SKAP1: variants seen among roughly 807,000 people sequenced by gnomAD.
The protein encoded by SKAP1 is src kinase associated phosphoprotein 1.
SKAP1 carries 44 observed loss-of-function variants against 58.5 expected under a neutral mutation model. That is an observed-to-expected ratio of 0.75 (90% CI 0.59 to 0.97). The LOEUF (loss-of-function observed/expected upper bound fraction) is 0.97. Among genes scored for constraint, SKAP1 ranks in the 50% least tolerant of loss-of-function variants. The pLI is 0.00. For synonymous variants in SKAP1, 127 were observed against 149.7 expected (o/e 0.85, Z 1.11); for missense variants, 390 against 435.2 (o/e 0.90, Z 0.92).
intron 4 of SKAP1, among the ~76,000 whole-genome samples, chr17:48,318,587 T>C (rs1169379695): frequency 6.6e-6 from 1 of 152,224 alleles, no homozygotes; most frequent in Non-Finnish European, 1.5e-5. Flanking sequence ...TTTCTGTGAC[T>C]GGGCATGGTG....
intron 5 of SKAP1, among the ~76,000 whole-genome samples, chr17:48,188,264 A>G (rs778477481): frequency 4.6e-5 from 7 of 152,224 alleles, no homozygotes; most frequent in Non-Finnish European, 1.0e-4. Context: ...GACAAAGCAA[A>G]ATGATTCTCC....
intron 1 of SKAP1, among the ~76,000 whole-genome samples, chr17:48,423,030 C>A (rs1427620148): frequency 6.6e-6 from 1 of 152,042 alleles, no homozygotes; most frequent in Non-Finnish European, 1.5e-5. Context: ...TAGAAGAAAA[C>A]TTTCCCAACT....
At chr17:48,190,410 C>T (rs1407221746) in intron 4 of SKAP1, among the ~76,000 whole-genome samples, 1 of 152,112 alleles carries the variant, frequency 6.6e-6, no homozygotes, top group Non-Finnish European at 1.5e-5. Context: ...CTGCGCCCAG[C>T]CAAACTTAAG....
chr17:48,138,472 C>T (rs1007516920), intron 11 of SKAP1, among the ~76,000 whole-genome samples: 4 of 151,548 alleles, frequency 2.6e-5, no homozygotes, highest in East Asian at 1.9e-4. Flanking sequence ...CAGGTTCAAG[C>T]GATTCTCCTG....
At chr17:48,324,868 A>G (rs1331162667) in intron 4 of SKAP1, among the ~76,000 whole-genome samples, 1 of 152,040 alleles carries the variant, frequency 6.6e-6, no homozygotes, top group Admixed American at 6.6e-5. Context: ...GTCACTCCCT[A>G]TACTTTTACC....
intron 11 of SKAP1, among the ~76,000 whole-genome samples, chr17:48,148,648 A>G (rs2063861946): frequency 6.6e-6 from 1 of 152,092 alleles, no homozygotes. Context: ...GAATCTCCAC[A>G]TTGCCTTTAA....
intron 4 of SKAP1, among the ~76,000 whole-genome samples, chr17:48,298,206 TC>T (rs1415632255): frequency 6.6e-6 from 1 of 152,238 alleles, no homozygotes; most frequent in African/African-American, 2.4e-5. Flanking sequence ...CTATTGGTCA[TC>T]TAAAGTTTCC....
intron 4 of SKAP1, among the ~76,000 whole-genome samples, chr17:48,272,763 C>T (rs1319631331): frequency 6.6e-6 from 1 of 150,946 alleles, no homozygotes; most frequent in African/African-American, 2.4e-5. Context: ...CACCATGTTG[C>T]CCAGGCTGGT....
At chr17:48,325,622 A>G (rs1289572661) in intron 4 of SKAP1, among the ~76,000 whole-genome samples, 1 of 152,158 alleles carries the variant, frequency 6.6e-6, no homozygotes, top group Non-Finnish European at 1.5e-5. Flanking sequence ...ATGGATTTCA[A>G]TTTCTTTTAA....
intron 4 of SKAP1, among the ~76,000 whole-genome samples, chr17:48,302,850 C>T (rs2066079769): frequency 6.6e-6 from 1 of 152,116 alleles, no homozygotes; most frequent in Admixed American, 6.5e-5. Context: ...AGCCAGAATC[C>T]AGTGAGGGAT....
Position 48,323,207 on chromosome 17 carries a change from T to TAA in SKAP1, c.280+22696_280+22697dup, listed in dbSNP as rs5820695. The stretch of plus-strand genomic sequence containing the variant: ...AAATAGTTAAGTTTTCAGACAACAG[T>TAA]AAAAAAAAAAAAAGCAAGAGAAAAA... On this transcript the variant is annotated intron_variant, in intron 4 of 12. Transcript: ENST00000336915. Among the ~76,000 whole-genome samples the TAA allele has an allele frequency of 1.1e-3, 152 of 139,490 alleles. 1 individual carries two copies. Among genetic ancestry groups the TAA allele is most frequent in the African/African-American group, 3.1e-3 (121 of 38,528 alleles). 91.5% of individuals were successfully genotyped at this position (139,490 alleles called of 152,430 possible).
chr17:48,333,934 G>C (rs183368180), intron 4 of SKAP1, among the ~76,000 whole-genome samples: 26 of 152,058 alleles, frequency 1.7e-4, no homozygotes, highest in Admixed American at 1.7e-3. Flanking sequence ...GAAAATTAAG[G>C]CAGATGTTTG....
intron 4 of SKAP1, among the ~76,000 whole-genome samples, chr17:48,332,390 A>G (rs1294859482): frequency 1.3e-5 from 2 of 152,220 alleles, no homozygotes; most frequent in African/African-American, 4.8e-5. Flanking sequence ...GAACTTGCAT[A>G]TAACAAACTT....
At chr17:48,428,780 A>G (rs971841779) in intron 1 of SKAP1, among the ~76,000 whole-genome samples, 34 of 152,230 alleles carry the variant, frequency 2.2e-4, no homozygotes, top group African/African-American at 8.0e-4. Flanking sequence ...TATTAAACCA[A>G]CAACAGAGGG....
intron 4 of SKAP1, among the ~76,000 whole-genome samples, chr17:48,199,011 C>T (rs912414750): frequency 6.6e-6 from 1 of 152,090 alleles, no homozygotes; most frequent in African/African-American, 2.4e-5. Context: ...AGTCAGATCA[C>T]GATTATACAT....
intron 4 of SKAP1, among the ~76,000 whole-genome samples, chr17:48,341,728 A>C (rs1174348806): frequency 6.6e-6 from 1 of 152,130 alleles, no homozygotes; most frequent in Non-Finnish European, 1.5e-5. Flanking sequence ...TTCCTTTTCC[A>C]GTTGTTTCTC....
chr17:48,291,294 A>T (rs2065893915), intron 4 of SKAP1, among the ~76,000 whole-genome samples: 1 of 152,080 alleles, frequency 6.6e-6, no homozygotes, highest in Non-Finnish European at 1.5e-5. Context: ...AAAATTTCTG[A>T]ATTTTGGGGC....
At chr17:48,205,015 T>C (rs1447235141) in intron 4 of SKAP1, among the ~76,000 whole-genome samples, 772 of 55,756 alleles carry the variant, frequency 0.014, 12 homozygotes, top group African/African-American at 0.053. Flanking sequence ...CTTTCTTTCT[T>C]TTTCTTTCTT....
chr17:48,137,388 C>T (rs931190101), intron 11 of SKAP1, 51 bp from the exon 12 acceptor site: 2 of 1,239,418 alleles, frequency 1.6e-6, no homozygotes, highest in Non-Finnish European at 2.4e-6. Context: ...CATGCTTCTG[C>T]TCATTTATTC....
Sources: gnomAD v4.1 joint callset for allele counts (sites outside exome capture counted in the v4.1 genomes callset) on GRCh38, gnomAD v4.1.1 for gene constraint, MANE v1.5 for transcripts, NCBI Gene and HGNC (gene_info 2026-07-23, HGNC 2026-07-21) for gene names.